Variants in RGL1 observed in about 807,000 individuals in gnomAD.
RGL1 encodes ral guanine nucleotide dissociation stimulator like 1.
A neutral mutation model predicts 95.2 loss-of-function variants in RGL1; 24 were observed. The observed-to-expected ratio is 0.25, with a 90% confidence interval of 0.18 to 0.35. RGL1 has a LOEUF of 0.35. Ranked by LOEUF, RGL1 falls within the 10% of genes least tolerant of loss-of-function variation. The pLI is 1.00. For synonymous variants in RGL1, 329 were observed against 344.9 expected, an observed-to-expected ratio of 0.95 and a Z score of 0.51; for missense variants, 715 against 936.3, an observed-to-expected ratio of 0.76 and a Z score of 3.08.
chr1:183,907,132 A>C, intron 14 of RGL1, 31 bp downstream of exon 14: 1 of 1,352,262 alleles, frequency 7.4e-7, no homozygotes, highest in Non-Finnish European at 1.1e-6. Flanking sequence ...CTGGGGCTCC[A>C]AGAGGGTGCC....
At chr1:183,807,417 C>T (rs1327050225) in intron 2 of RGL1, among the ~76,000 whole-genome samples, 2 of 152,210 alleles carry the variant, frequency 1.3e-5, no homozygotes, top group Non-Finnish European at 2.9e-5. Flanking sequence ...TATGCACTTG[C>T]ATCCCATCTT....
intron 1 of RGL1, among the ~76,000 whole-genome samples, chr1:183,738,709 T>G (rs932030547): frequency 6.6e-6 from 1 of 152,164 alleles, no homozygotes; most frequent in African/African-American, 2.4e-5. Context: ...AAGACCAGCC[T>G]GGCCAACATG....
intron 4 of RGL1, among the ~76,000 whole-genome samples, chr1:183,867,361 G>C (rs1665902587): frequency 1.3e-5 from 2 of 152,172 alleles, no homozygotes; most frequent in South Asian, 4.2e-4. Flanking sequence ...AAAAGAAGTT[G>C]TTGTGTCCCC....
intron 1 of RGL1, among the ~76,000 whole-genome samples, chr1:183,700,877 A>G (rs12138300): frequency 0.48 from 72,099 of 151,784 alleles, 17,754 homozygotes; most frequent in East Asian, 0.76. Context: ...CATACATTAG[A>G]TATTTGTCCT....
intron 1 of RGL1, among the ~76,000 whole-genome samples, chr1:183,731,863 C>T (rs1210001365): frequency 1.3e-5 from 2 of 152,148 alleles, no homozygotes; most frequent in Non-Finnish European, 2.9e-5. Context: ...AAATGTATCT[C>T]TTTCTTCTCA....
Position 183,776,926 on chromosome 1 carries a change from G to A in RGL1, c.133-29449G>A, listed in dbSNP as rs113309907. On this transcript the variant is annotated intron_variant, in intron 2 of 18. Coordinates refer to the RGL1 transcript ENST00000304685. ...AATAATTCAGTGCTTGAAGTCTGATGGAATGCTGTGGTTTCTGGGGAGCCC... is the reference window on the plus strand; with the variant it reads ...AATAATTCAGTGCTTGAAGTCTGATAGAATGCTGTGGTTTCTGGGGAGCCC... Among the ~76,000 whole-genome samples the A allele has an allele frequency of 6.5e-3, 991 of 152,260 alleles. 14 individuals carry two copies. Among genetic ancestry groups the A allele is most frequent in the African/African-American group, 0.023 (963 of 41,546 alleles).
chr1:183,834,516 T>C (rs1663497420), intron 2 of RGL1, among the ~76,000 whole-genome samples: 1 of 152,098 alleles, frequency 6.6e-6, no homozygotes, highest in Admixed American at 6.6e-5. Context: ...GTCTATGGCA[T>C]ATGCACTAGT....
chr1:183,861,776 T>G (rs1429457997), intron 3 of RGL1, among the ~76,000 whole-genome samples: 1 of 152,232 alleles, frequency 6.6e-6, no homozygotes, highest in African/African-American at 2.4e-5. Context: ...ACGACATCGT[T>G]GACAGGTTTG....
At chr1:183,753,895 G>T (rs1020689312) in intron 2 of RGL1, among the ~76,000 whole-genome samples, 7 of 151,546 alleles carry the variant, frequency 4.6e-5, no homozygotes, top group African/African-American at 7.3e-5. Flanking sequence ...TGTTTCTTTT[G>T]GCTCTTGAAC....
At chr1:183,671,229 C>T (rs1407544881) in intron 1 of RGL1, among the ~76,000 whole-genome samples, 1 of 151,832 alleles carries the variant, frequency 6.6e-6, no homozygotes, top group Non-Finnish European at 1.5e-5. Context: ...ATGGGGATTA[C>T]AATTCAAGAT....
At chr1:183,862,452 T>A (rs372637044) in intron 3 of RGL1, among the ~76,000 whole-genome samples, 3 of 152,384 alleles carry the variant, frequency 2.0e-5, no homozygotes, top group African/African-American at 4.8e-5. Context: ...ACAGGCTCTT[T>A]CCTTTTATCT....
At chr1:183,853,837 CT>C in intron 3 of RGL1, among the ~76,000 whole-genome samples, 1 of 151,834 alleles carries the variant, frequency 6.6e-6, no homozygotes, top group Non-Finnish European at 1.5e-5. Context: ...TAAAGGAACC[CT>C]TTTTTGGGAA....
At chr1:183,772,786 G>A (rs561924743) in intron 2 of RGL1, among the ~76,000 whole-genome samples, 1 of 151,552 alleles carries the variant, frequency 6.6e-6, no homozygotes, top group Non-Finnish European at 1.5e-5. Context: ...GAGGCGGGTG[G>A]ATCATGAGGT....
At chr1:183,774,098 C>G (rs1659455337) in intron 2 of RGL1, among the ~76,000 whole-genome samples, 1 of 152,036 alleles carries the variant, frequency 6.6e-6, no homozygotes, top group African/African-American at 2.4e-5. Flanking sequence ...TGTAGCAAGC[C>G]CCTTGATACA....
At chr1:183,857,567 C>T (rs530811224) in intron 3 of RGL1, among the ~76,000 whole-genome samples, 1 of 152,244 alleles carries the variant, frequency 6.6e-6, no homozygotes, top group East Asian at 1.9e-4. Flanking sequence ...ATGCCCTGTT[C>T]AGTTTCGGTC....
At chr1:183,790,304 TC>T (rs1363107617) in intron 2 of RGL1, among the ~76,000 whole-genome samples, 8 of 152,198 alleles carry the variant, frequency 5.3e-5, no homozygotes, top group Middle Eastern at 3.4e-3. Context: ...CATGACACAA[TC>T]CCAGTAGGTC....
At chr1:183,864,594 G>T (rs1303518841) in intron 3 of RGL1, among the ~76,000 whole-genome samples, 1 of 152,234 alleles carries the variant, frequency 6.6e-6, no homozygotes, top group African/African-American at 2.4e-5. Flanking sequence ...CCTTGCTCAT[G>T]TGGGGCTGAG....
At chr1:183,855,978 T>G (rs372942979) in intron 3 of RGL1, among the ~76,000 whole-genome samples, 54 of 152,316 alleles carry the variant, frequency 3.5e-4, no homozygotes, top group Non-Finnish European at 6.6e-4. Context: ...ATTAAGTCTT[T>G]TGTGCCTCCC....
intron 1 of RGL1, among the ~76,000 whole-genome samples, chr1:183,805,992 T>C (rs867587245): frequency 1.1e-5 from 1 of 87,424 alleles, no homozygotes; most frequent in African/African-American, 4.9e-5. Flanking sequence ...TTTTTTTTTT[T>C]TTTTTTTTTT....
Sources: gnomAD v4.1 joint callset for allele counts (sites outside exome capture counted in the v4.1 genomes callset) on GRCh38, gnomAD v4.1.1 for gene constraint, MANE v1.5 for transcripts, NCBI Gene and HGNC (gene_info 2026-07-23, HGNC 2026-07-21) for gene names.